SEMA6D: variants seen among roughly 807,000 people sequenced by gnomAD.
SEMA6D encodes the protein semaphorin-6D.
Under a neutral mutation model 106.6 loss-of-function variants are expected in SEMA6D, and 35 were observed. That is an observed-to-expected ratio of 0.33 (90% CI 0.25 to 0.44). The LOEUF (loss-of-function observed/expected upper bound fraction) is 0.44. Among genes scored for constraint, SEMA6D ranks in the 20% least tolerant of loss-of-function variants. The pLI is 1.00. For synonymous variants in SEMA6D, 499 were observed against 487.7 expected (o/e 1.02, Z -0.31); for missense variants, 1,185 against 1,345.9 (o/e 0.88, Z 1.87).
chr15:47,495,939 C>T (rs950239143), intron 3 of SEMA6D, among the ~76,000 whole-genome samples: 1 of 152,006 alleles, frequency 6.6e-6, no homozygotes, highest in Non-Finnish European at 1.5e-5. Context: ...AGGTTAATCA[C>T]ATTTAATGAG....
intron 2 of SEMA6D, among the ~76,000 whole-genome samples, chr15:47,425,697 G>A (rs574673856): frequency 6.8e-6 from 1 of 147,858 alleles, no homozygotes; most frequent in South Asian, 2.1e-4. Context: ...TTGAGACAGA[G>A]TTTCACTCTG....
rs16959421 is a variant in SEMA6D at position 47,407,512 on chromosome 15, C to T, written c.-238-4881C>T. Among the ~76,000 whole-genome samples, 822 of 151,334 alleles carry T rather than the reference C, an allele frequency of 5.4e-3. 5 individuals carry two copies. Among genetic ancestry groups the T allele is most frequent in the African/African-American group, 0.019 (789 of 41,284 alleles). ...ATTATTTTGGAGGTACTTAGGCTGT[C>T]GTTGTTACAAAAATATTTGGAAATG... On this transcript the variant is annotated intron_variant, in intron 1 of 19. Coordinates refer to the SEMA6D transcript ENST00000558014.
intron 1 of SEMA6D, among the ~76,000 whole-genome samples, chr15:47,736,247 A>T (rs2080439144): frequency 6.6e-6 from 1 of 152,188 alleles, no homozygotes; most frequent in Admixed American, 6.5e-5. Context: ...TGGTTGGCTA[A>T]CTGTGTTTAC....
chr15:47,665,763 T>C (rs1029179305), intron 4 of SEMA6D, among the ~76,000 whole-genome samples: 1 of 152,176 alleles, frequency 6.6e-6, no homozygotes, highest in African/African-American at 2.4e-5. Context: ...TGAGCCAAGA[T>C]CGTGCCACTG....
At chr15:47,607,589 A>G (rs1281868145) in intron 4 of SEMA6D, among the ~76,000 whole-genome samples, 1 of 152,246 alleles carries the variant, frequency 6.6e-6, no homozygotes, top group Non-Finnish European at 1.5e-5. Flanking sequence ...ATTGGCTTGA[A>G]GGGAAAAGTG....
At chr15:47,422,022 T>G (rs1333899225) in intron 2 of SEMA6D, among the ~76,000 whole-genome samples, 1 of 152,022 alleles carries the variant, frequency 6.6e-6, no homozygotes. Context: ...GCACAGAATG[T>G]TTAAGAACTA....
At position 47,563,491 on chromosome 15, in the gene SEMA6D, C is replaced by G. The variant is rs185538512; in HGVS notation, c.-86-37374C>G. Among the ~76,000 whole-genome samples the G allele has an allele frequency of 7.9e-5, 12 of 152,308 alleles. No homozygotes were observed. The East Asian group carries it at 2.1e-3, about 27-fold the overall frequency. ...GGAACACCTTTCTTCCTACCTCCCC[C>G]CATCTCCAATCCTATGCTTTCTTCA... On this transcript the variant is annotated intron_variant, in intron 3 of 19. Coordinates refer to the SEMA6D transcript ENST00000558014.
intron 3 of SEMA6D, among the ~76,000 whole-genome samples, chr15:47,570,926 AAGAGGTGC>A (rs1195658807): frequency 1.3e-5 from 2 of 152,218 alleles, no homozygotes; most frequent in Non-Finnish European, 2.9e-5. Flanking sequence ...ATAATCTGAA[AAGAGGTGC>A]AGACATTTTT....
At chr15:47,208,041 A>G (rs998578120) in intron 1 of SEMA6D, among the ~76,000 whole-genome samples, 4 of 138,022 alleles carry the variant, frequency 2.9e-5, no homozygotes, top group Non-Finnish European at 4.7e-5. Flanking sequence ...ACACACACAC[A>G]CACACACACT....
At chr15:47,619,280 G>C (rs952283480) in intron 4 of SEMA6D, among the ~76,000 whole-genome samples, 29 of 152,202 alleles carry the variant, frequency 1.9e-4, no homozygotes, top group African/African-American at 6.8e-4. Flanking sequence ...TGGTGGAGGA[G>C]AGCATTATAT....
intron 1 of SEMA6D, among the ~76,000 whole-genome samples, chr15:47,233,144 T>A (rs551387258): frequency 6.6e-6 from 1 of 152,160 alleles, no homozygotes; most frequent in South Asian, 2.1e-4. Flanking sequence ...GGGGTCCAAA[T>A]TCAAAGTTTT....
In SEMA6D at chr15:47,761,394, G is replaced by A; in HGVS notation, c.410G>A (p.Gly137Asp). The A allele has an allele frequency of 6.2e-7, 1 of 1,613,278 alleles. No individual in the cohort carries two copies. The highest frequency in any genetic ancestry group is 8.5e-7 in the Non-Finnish European group (1 of 1,179,636). The change falls in exon 6 of 19, where the codon GGT becomes GAT. Residue 137 changes from glycine to aspartate, a missense_variant. Gly to Asp is a moderately conservative substitution (Grantham distance 94). Around this residue, in one of 3 missense-constraint regions of SEMA6D, gnomAD observed 291 missense variants for 423.8 expected, o/e 0.69. Coordinates refer to ENST00000536845, the MANE Select transcript of SEMA6D (RefSeq NM_001358351.3). ...PRNDEMVFVC[G>D]TNAFNPMCRY... ...AACGATGAGATGGTTTTTGTTTGTG[G>A]TACCAATGCATTCAATCCCATGTGT...
chr15:47,713,310 G>A (rs373992387), upstream of SEMA6D, among the ~76,000 whole-genome samples: 132 of 152,234 alleles, frequency 8.7e-4, 1 homozygote, highest in African/African-American at 3.0e-3. Context: ...CACTGCTGTG[G>A]TGGTATACTA....
At chr15:47,199,827 T>C (rs1186256612) in intron 1 of SEMA6D, among the ~76,000 whole-genome samples, 3 of 152,156 alleles carry the variant, frequency 2.0e-5, no homozygotes, top group Non-Finnish European at 4.4e-5. Flanking sequence ...TGTCTAATAA[T>C]ACAAATAAAT....
intron 1 of SEMA6D, among the ~76,000 whole-genome samples, chr15:47,337,083 T>G (rs964358868): frequency 3.3e-5 from 5 of 152,134 alleles, no homozygotes; most frequent in African/African-American, 1.2e-4. Context: ...AAAGGAAGTT[T>G]GAGGGGTGCA....
At chr15:47,741,482 C>G (rs192665746) in intron 1 of SEMA6D, among the ~76,000 whole-genome samples, 1 of 152,124 alleles carries the variant, frequency 6.6e-6, no homozygotes, top group East Asian at 1.9e-4. Context: ...TTTGGGAGGC[C>G]GAGGCGGGCA....
At position 47,768,713 on chromosome 15, in the gene SEMA6D, C is replaced by G; in HGVS notation, c.1898C>G (p.Ser633Cys). ...KFVVQDDPNT[S>C]DFTDPLSGIP... Reference sequence around the variant, plus strand: ...GTAGTTCAAGATGATCCAAACACTTCTGATTTTACTGATCCTTTATCGGGT... The same window carrying G: ...GTAGTTCAAGATGATCCAAACACTTGTGATTTTACTGATCCTTTATCGGGT... Residue 633 changes from serine (S) to cysteine (C), a missense_variant, in exon 18 of 19, where the codon TCT (serine) becomes TGT (cysteine). Coordinates refer to ENST00000536845, the MANE Select transcript of SEMA6D (RefSeq NM_001358351.3). 1 of 1,613,452 alleles carries G rather than the reference C, an allele frequency of 6.2e-7. No homozygotes were observed. The highest frequency in any genetic ancestry group is 8.5e-7 in the Non-Finnish European group (1 of 1,179,560).
At chr15:47,660,472 A>C (rs2077895726) in intron 4 of SEMA6D, among the ~76,000 whole-genome samples, 1 of 152,138 alleles carries the variant, frequency 6.6e-6, no homozygotes, top group South Asian at 2.1e-4. Context: ...AGGTACAGGA[A>C]AGCATATATG....
At chr15:47,239,843 A>T (rs1410117807) in intron 1 of SEMA6D, among the ~76,000 whole-genome samples, 2 of 152,184 alleles carry the variant, frequency 1.3e-5, no homozygotes, top group African/African-American at 4.8e-5. Flanking sequence ...TTCCTGTCTC[A>T]TTGTAAATTC....
Sources: allele counts gnomAD v4.1 joint callset (sites outside exome capture counted in the v4.1 genomes callset), GRCh38; gene constraint gnomAD v4.1.1; regional missense constraint gnomAD v4.1.1; transcripts MANE v1.5; gene names NCBI Gene and HGNC (gene_info 2026-07-23, HGNC 2026-07-21).